Variants in FGD5 observed in about 807,000 individuals in gnomAD.
The protein encoded by FGD5 is FYVE, RhoGEF and PH domain-containing protein 5.
FGD5 carries 28 observed loss-of-function variants against 133.4 expected under a neutral mutation model. The ratio of observed to expected loss-of-function variants is 0.21; its 90% CI spans 0.16 to 0.29. FGD5 has a LOEUF of 0.29. FGD5 is among the 10% of genes least tolerant of loss of function. The pLI is 1.00. For missense variants in FGD5, 1,858 were observed against 1,895.2 expected (o/e 0.98, Z 0.36); for synonymous variants, 810 against 776.5 (o/e 1.04, Z -0.72).
In FGD5 at chr3:14,924,096, G is replaced by C. The variant is rs373113143; in HGVS notation, c.4026G>C (p.Ser1342=). ...FSSVFQSINP[S]TFKKQKKVPS... Reference sequence around the variant, plus strand: ...CCGTCTTCCAGAGCATTAACCCCTCGACCTTCAAGAAGCAGAAGAAAGTCC... The same window carrying C: ...CCGTCTTCCAGAGCATTAACCCCTCCACCTTCAAGAAGCAGAAGAAAGTCC... Residue 1342 remains serine (S), a synonymous_variant, in exon 17 of 20, where the codon TCG becomes TCC. Transcript: ENST00000285046. 8 of 1,613,774 alleles carry C rather than the reference G, an allele frequency of 5.0e-6. No individual in the cohort carries two copies. Among genetic ancestry groups the C allele is most frequent in the Admixed American group, 1.7e-5 (1 of 59,996 alleles).
chr3:14,899,216 C>T (rs192673), intron 7 of FGD5, among the ~76,000 whole-genome samples: 2 of 152,110 alleles, frequency 1.3e-5, no homozygotes, highest in African/African-American at 4.8e-5. Context: ...TCCTGCTTCT[C>T]GAGTCCTTTC....
chr3:14,926,165 A>G lies in FGD5; in HGVS notation c.4164A>G (p.Lys1388=). 1 of 1,613,770 alleles carries G rather than the reference A, an allele frequency of 6.2e-7. No individual in the cohort carries two copies. Among genetic ancestry groups the G allele is most frequent in the Non-Finnish European group, 8.5e-7 (1 of 1,179,748 alleles). The change falls in exon 18 of 20, where the codon AAA becomes AAG. Residue 1388 remains lysine, a synonymous_variant. Transcript: ENST00000285046. ...RHWKKLWFVI[K]GKVLYTYMAS... is the part of the protein sequence containing the mutation. ...GGAAGAAGCTCTGGTTTGTCATCAA[A>G]GGCAAAGTTCTCTACACCTACATGG...
At chr3:14,896,513 C>T (rs539945092) in intron 4 of FGD5, among the ~76,000 whole-genome samples, 1 of 152,052 alleles carries the variant, frequency 6.6e-6, no homozygotes, top group Non-Finnish European at 1.5e-5. Flanking sequence ...TCTTCTTCCC[C>T]AGGGTGGAGT....
At chr3:14,835,098 T>C (rs2036790083) in intron 1 of FGD5, among the ~76,000 whole-genome samples, 1 of 152,140 alleles carries the variant, frequency 6.6e-6, no homozygotes, top group Admixed American at 6.5e-5. Context: ...CAGCGGTGCT[T>C]TCCCCTGGCA....
chr3:14,830,777 AGAG>A (rs1343631732), intron 1 of FGD5, among the ~76,000 whole-genome samples: 2 of 152,168 alleles, frequency 1.3e-5, no homozygotes, highest in Non-Finnish European at 2.9e-5. Context: ...ATGCAGCCAA[AGAG>A]GAGAGTTGTG....
At chr3:14,853,537 G>A (rs989978026) in intron 1 of FGD5, among the ~76,000 whole-genome samples, 9 of 150,480 alleles carry the variant, frequency 6.0e-5, no homozygotes, top group South Asian at 2.1e-4. Flanking sequence ...GAGAAGTTAC[G>A]TCTGCAATCT....
At chr3:14,834,624 G>A (rs1023231968) in intron 1 of FGD5, among the ~76,000 whole-genome samples, 1 of 152,198 alleles carries the variant, frequency 6.6e-6, no homozygotes, top group African/African-American at 2.4e-5. Flanking sequence ...AGAGCTATCT[G>A]TCAGGTATAC....
chr3:14,810,796 C>T, upstream of FGD5: 2 of 984,190 alleles, frequency 2.0e-6, no homozygotes, highest in Non-Finnish European at 2.4e-6. Flanking sequence ...CGGAGTCGCA[C>T]TGGGACCCGC....
chr3:14,857,084 AG>A (rs931623292), intron 1 of FGD5, among the ~76,000 whole-genome samples: 4 of 152,142 alleles, frequency 2.6e-5, no homozygotes, highest in African/African-American at 9.7e-5. Flanking sequence ...TTTATCACGA[AG>A]GGATGTTGAA....
intron 1 of FGD5, among the ~76,000 whole-genome samples, chr3:14,863,515 G>A (rs575598242): frequency 1.6e-4 from 24 of 152,288 alleles, no homozygotes; most frequent in African/African-American, 5.3e-4. Context: ...TACTGGCAAC[G>A]CCTGTGGAGA....
chr3:14,875,774 C>T (rs2125113745), intron 2 of FGD5, among the ~76,000 whole-genome samples: 1 of 152,140 alleles, frequency 6.6e-6, no homozygotes, highest in South Asian at 2.1e-4. Flanking sequence ...GGGTGAGGCC[C>T]AGGCTGGAGG....
intron 12 of FGD5, among the ~76,000 whole-genome samples, chr3:14,918,187 A>G (rs944550927): frequency 6.6e-6 from 1 of 152,168 alleles, no homozygotes; most frequent in Non-Finnish European, 1.5e-5. Context: ...GAGGAGCAGG[A>G]GGTTTTAGGA....
chr3:14,924,910 G>C (rs2038766940), intron 17 of FGD5, among the ~76,000 whole-genome samples: 1 of 151,864 alleles, frequency 6.6e-6, no homozygotes, highest in South Asian at 2.1e-4. Context: ...GACCATCTTG[G>C]CTAACACAGT....
At chr3:14,813,511 G>T (rs1243027487) in intron 1 of FGD5, among the ~76,000 whole-genome samples, 1 of 152,204 alleles carries the variant, frequency 6.6e-6, no homozygotes, top group Non-Finnish European at 1.5e-5. Context: ...GTAACATATG[G>T]TTATGAGAGT....
chr3:14,812,184 A>G (rs1363038328), intron 1 of FGD5, among the ~76,000 whole-genome samples: 1 of 152,208 alleles, frequency 6.6e-6, no homozygotes, highest in African/African-American at 2.4e-5. Flanking sequence ...ATTGCTGGGC[A>G]TACAGGCCCC....
intron 4 of FGD5, among the ~76,000 whole-genome samples, chr3:14,886,833 C>T (rs2037934020): frequency 6.6e-6 from 1 of 151,932 alleles, no homozygotes; most frequent in Non-Finnish European, 1.5e-5. Context: ...GTGTGTTTCC[C>T]ACATCTCCTG....
intron 1 of FGD5, among the ~76,000 whole-genome samples, chr3:14,826,222 C>CGCACA (rs2036595087): frequency 1.3e-5 from 2 of 152,168 alleles, no homozygotes; most frequent in African/African-American, 4.8e-5. Flanking sequence ...GCACATGTTG[C>CGCACA]TGCACTGGCT....
chr3:14,827,067 C>T (rs1376182505), intron 1 of FGD5, among the ~76,000 whole-genome samples: 2 of 152,142 alleles, frequency 1.3e-5, no homozygotes, highest in African/African-American at 4.8e-5. Flanking sequence ...TTTGTTATTT[C>T]ATTTATAACT....
intron 1 of FGD5, among the ~76,000 whole-genome samples, chr3:14,850,718 G>A (rs1022338857): frequency 2.0e-5 from 3 of 151,974 alleles, no homozygotes; most frequent in Non-Finnish European, 2.9e-5. Flanking sequence ...AAACTGCAAC[G>A]GGAGCCCCTC....
Sources: gnomAD v4.1 joint callset for allele counts (sites outside exome capture counted in the v4.1 genomes callset) on GRCh38, gnomAD v4.1.1 for gene constraint, MANE v1.5 for transcripts, NCBI Gene and HGNC (gene_info 2026-07-23, HGNC 2026-07-21) for gene names.